LARGE1: variants seen among roughly 807,000 people sequenced by gnomAD.
The protein encoded by LARGE1 is xylosyl- and glucuronyltransferase LARGE1.
A neutral mutation model predicts 87.6 loss-of-function variants in LARGE1; 43 were observed. That is an observed-to-expected ratio of 0.49 (90% CI 0.38 to 0.63). The LOEUF (loss-of-function observed/expected upper bound fraction) is 0.63. Among genes scored for constraint, LARGE1 ranks in the 30% least tolerant of loss-of-function variants. The pLI, the probability that LARGE1 is intolerant of heterozygous loss-of-function variation, is 0.00. For missense variants in LARGE1, 802 were observed against 1,000.2 expected (o/e 0.80, Z 2.67); for synonymous variants, 434 against 394.6 (o/e 1.10, Z -1.18).
chr22:33,141,274 C>T, the LARGE1 span, among the ~76,000 whole-genome samples: 2 of 151,622 alleles, frequency 1.3e-5, no homozygotes, highest in African/African-American at 4.9e-5. Flanking sequence ...AAAAGAATAG[C>T]TCTAAAAACT....
At chr22:33,837,356 A>G (rs977880043) in intron 1 of LARGE1, among the ~76,000 whole-genome samples, 1 of 151,972 alleles carries the variant, frequency 6.6e-6, no homozygotes, top group Non-Finnish European at 1.5e-5. Context: ...GTATACATAT[A>G]TGTGTTTATA....
At chr22:33,620,668 C>A (rs150074930) in intron 4 of LARGE1, among the ~76,000 whole-genome samples, 3,369 of 152,166 alleles carry the variant, frequency 0.022, 114 homozygotes, top group African/African-American at 0.077. Context: ...ACACCTGTAA[C>A]CCCAGCTCTT....
At chr22:33,443,987 A>C (rs2067592834) in intron 6 of LARGE1, among the ~76,000 whole-genome samples, 1 of 152,252 alleles carries the variant, frequency 6.6e-6, no homozygotes, top group Admixed American at 6.5e-5. Flanking sequence ...AAAAAACAGA[A>C]TTTGTTGGCA....
At chr22:33,498,419 T>G in intron 6 of LARGE1, among the ~76,000 whole-genome samples, 1 of 152,186 alleles carries the variant, frequency 6.6e-6, no homozygotes, top group East Asian at 1.9e-4. Flanking sequence ...TAGAACATCT[T>G]CTTCTCCAGA....
chr22:33,728,189 T>C (rs2083329524), intron 2 of LARGE1, among the ~76,000 whole-genome samples: 1 of 152,090 alleles, frequency 6.6e-6, no homozygotes, highest in African/African-American at 2.4e-5. Flanking sequence ...TCTACACCTA[T>C]ACACATATGC....
At chr22:33,819,851 C>G (rs1476640025) in intron 1 of LARGE1, among the ~76,000 whole-genome samples, 1 of 152,174 alleles carries the variant, frequency 6.6e-6, no homozygotes, top group Non-Finnish European at 1.5e-5. Context: ...AGCCTGGGCA[C>G]AGGATGAGAC....
chr22:33,448,027 G>A (rs1333024503), intron 6 of LARGE1, among the ~76,000 whole-genome samples: 3 of 151,944 alleles, frequency 2.0e-5, no homozygotes, highest in East Asian at 1.9e-4. Context: ...CACATTTCAC[G>A]TGATATATTC....
rs1358283803 is a variant in LARGE1 at position 33,384,323 on chromosome 22, TAA to T, written c.893-21_893-20del. 1 of 1,557,314 alleles carries T rather than the reference TAA, an allele frequency of 6.4e-7. No homozygotes were observed. The highest frequency in any genetic ancestry group is 8.9e-7 in the Non-Finnish European group (1 of 1,129,212). On this transcript the variant is annotated intron_variant, in intron 7 of 14. Coordinates refer to ENST00000397394, the MANE Select transcript of LARGE1 (RefSeq NM_133642.5). ...ATCACCCCTGGGCAACAGCACAGGATAAAAGAGAAAATTAAAAAATAAAAAAG... is the reference window on the plus strand; with the variant it reads ...ATCACCCCTGGGCAACAGCACAGGATAAGAGAAAATTAAAAAATAAAAAAG...
chr22:33,663,711 C>G (rs2081193119), intron 2 of LARGE1, among the ~76,000 whole-genome samples: 1 of 152,182 alleles, frequency 6.6e-6, no homozygotes, highest in African/African-American at 2.4e-5. Context: ...CTGGTGAAAT[C>G]TACTGCACTT....
chr22:33,880,379 C>T (rs536133782), intron 1 of LARGE1, among the ~76,000 whole-genome samples: 2 of 152,336 alleles, frequency 1.3e-5, no homozygotes, highest in South Asian at 4.1e-4. Flanking sequence ...AACATTCTAA[C>T]TATCCTGCAA....
intron 3 of LARGE1, among the ~76,000 whole-genome samples, chr22:33,628,226 G>A (rs1160097703): frequency 6.6e-6 from 1 of 152,108 alleles, no homozygotes; most frequent in Non-Finnish European, 1.5e-5. Flanking sequence ...AAAGTTGTAT[G>A]AGACAGGTAC....
chr22:33,581,431 T>A (rs188352322), intron 5 of LARGE1, among the ~76,000 whole-genome samples: 314 of 152,342 alleles, frequency 2.1e-3, no homozygotes, highest in African/African-American at 7.3e-3. Flanking sequence ...TTGAAATGTT[T>A]CCAAGTTTCC....
At chr22:33,204,964 C>T (rs995603408) in intron 11 of LARGE1, among the ~76,000 whole-genome samples, 9 of 151,948 alleles carry the variant, frequency 5.9e-5, no homozygotes, top group African/African-American at 2.2e-4. Context: ...AAAGAGTGCT[C>T]AGAACACATT....
At chr22:33,198,334 T>C (rs1200605416) in intron 11 of LARGE1, among the ~76,000 whole-genome samples, 6 of 152,074 alleles carry the variant, frequency 3.9e-5, no homozygotes, top group Non-Finnish European at 2.9e-5. Flanking sequence ...AATGTATATA[T>C]ATCTGAGACA....
chr22:33,315,206 CA>C (rs901446764), intron 11 of LARGE1, among the ~76,000 whole-genome samples: 22 of 152,270 alleles, frequency 1.4e-4, no homozygotes, highest in Admixed American at 1.1e-3. Context: ...AAGCTTAAAA[CA>C]AAACAATGCC....
intron 2 of LARGE1, among the ~76,000 whole-genome samples, chr22:33,668,605 T>C (rs1262973652): frequency 1.3e-5 from 2 of 152,200 alleles, no homozygotes; most frequent in Admixed American, 6.5e-5. Context: ...AGACAGATTT[T>C]GGAGCATCTG....
chr22:33,102,491 CT>C, the LARGE1 span, among the ~76,000 whole-genome samples: 1 of 150,566 alleles, frequency 6.6e-6, no homozygotes, highest in East Asian at 2.0e-4. Flanking sequence ...TCCTTCCTTC[CT>C]TTTTTTCTTT....
intron 1 of LARGE1, among the ~76,000 whole-genome samples, chr22:33,856,351 G>C (rs1251419000): frequency 2.0e-5 from 3 of 152,168 alleles, no homozygotes; most frequent in African/African-American, 7.2e-5. Flanking sequence ...GGTCTAAGCA[G>C]TCACTTCCCC....
At chr22:33,917,461 T>C (rs1046606534) in intron 1 of LARGE1, among the ~76,000 whole-genome samples, 15 of 152,360 alleles carry the variant, frequency 9.8e-5, no homozygotes, top group African/African-American at 3.6e-4. Flanking sequence ...TCAAATGTTA[T>C]GTTAACATCT....
Sources: allele counts gnomAD v4.1 joint callset (sites outside exome capture counted in the v4.1 genomes callset), GRCh38; gene constraint gnomAD v4.1.1; transcripts MANE v1.5; gene names NCBI Gene and HGNC (gene_info 2026-07-23, HGNC 2026-07-21).